Variants in DOCK6 observed in about 807,000 individuals in gnomAD.
DOCK6 encodes the protein dedicator of cytokinesis 6.
A neutral mutation model predicts 230.3 loss-of-function variants in DOCK6; 167 were observed. That is an observed-to-expected ratio of 0.73 (90% CI 0.64 to 0.82). The LOEUF is 0.82. Ranked by LOEUF, DOCK6 falls within the 40% of genes least tolerant of loss-of-function variation. The pLI, the probability that DOCK6 is intolerant of heterozygous loss-of-function variation, is 0.00. For missense variants in DOCK6, 2,598 were observed against 2,825.8 expected (o/e 0.92, Z 1.83); for synonymous variants, 1,148 against 1,185.0 (o/e 0.97, Z 0.64).
At position 11,252,234 on chromosome 19, in the gene DOCK6, C is replaced by A; in HGVS notation, c.392G>T (p.Ser131Ile). 2 of 1,584,674 alleles carry A rather than the reference C, an allele frequency of 1.3e-6. No homozygotes were observed. Among genetic ancestry groups the A allele is most frequent in the South Asian group, 2.3e-5 (2 of 86,992 alleles). ...TGTGGTGACGGGGCTGTATGCTGCA[C>A]TCAGGTACTGATACCTAGCAGGAAA... The part of the protein sequence containing the change: ...VIVHRRYQYL[S>I]AAYSPVTTDT... The change falls in exon 5 of 48, where the codon AGT becomes ATT. Residue 131 changes from serine to isoleucine, a missense_variant. By Grantham distance (142) the Ser-to-Ile change is moderately radical. Coordinates refer to ENST00000294618, the MANE Select transcript of DOCK6 (RefSeq NM_020812.4).
intron 22 of DOCK6, among the ~76,000 whole-genome samples, 152 bp downstream of exon 22, chr19:11,233,051 G>T (rs2079792792): frequency 6.6e-6 from 1 of 152,176 alleles, no homozygotes; most frequent in African/African-American, 2.4e-5. Flanking sequence ...CACAACCTGT[G>T]ACAGCCCAGC....
chr19:11,222,812 C>A lies in DOCK6; in HGVS notation c.3163G>T (p.Val1055Leu). ...TRILCSHEHY[V>L]TLNLPCCPLS... Reference sequence around the variant, plus strand: ...GGGCAGCAGGGGAGGTTGAGGGTCACGTAGTGCTCGTGGCTGCACAGGATG... The same window carrying A: ...GGGCAGCAGGGGAGGTTGAGGGTCAAGTAGTGCTCGTGGCTGCACAGGATG... Residue 1055 changes from valine to leucine, a missense_variant, in exon 26 of 48, where the codon GTG becomes TTG. Physicochemically the swap from Val to Leu is conservative, Grantham distance 32. Coordinates refer to ENST00000294618, the MANE Select transcript of DOCK6 (RefSeq NM_020812.4). The surrounding 1 kb of genome is among the most constrained non-coding windows in gnomAD (Gnocchi z 4.0). 6.3e-7 allele frequency: 1 copy of A among 1,592,482 alleles called. No individual in the cohort carries two copies. Among genetic ancestry groups the A allele is most frequent in the African/African-American group, 1.3e-5 (1 of 74,718 alleles).
At chr19:11,208,278 C>CTTTTTT (rs372026726) in intron 39 of DOCK6, 1 of 118,316 alleles carries the variant, frequency 8.5e-6, no homozygotes, top group Non-Finnish European at 1.7e-5. Context: ...ATTCTCCTTC[C>CTTTTTT]TTTTTTTTTT....
At chr19:11,209,978 C>T (rs2079344988) in intron 37 of DOCK6, among the ~76,000 whole-genome samples, 3 of 140,918 alleles carry the variant, frequency 2.1e-5, no homozygotes, top group Non-Finnish European at 4.6e-5. Flanking sequence ...CTCACCTGTC[C>T]ACCCTCTCAC....
intron 1 of DOCK6, among the ~76,000 whole-genome samples, chr19:11,254,338 C>T (rs1215034801): frequency 2.6e-5 from 4 of 152,204 alleles, no homozygotes. Flanking sequence ...TAAGTAACCC[C>T]AAGCAACCAA....
chr19:11,241,897 C>T, intron 14 of DOCK6, 148 bp downstream of exon 14: 3 of 1,265,626 alleles, frequency 2.4e-6, no homozygotes, highest in South Asian at 1.4e-5. Context: ...GACATGTACC[C>T]TTTCATGCCT....
In DOCK6 at chr19:11,227,394, G is replaced by A. The variant is rs779109947; in HGVS notation, c.2898C>T (p.Asp966=). The A allele has an allele frequency of 9.9e-6, 16 of 1,613,684 alleles. No homozygotes were observed. In the African/African-American group the frequency reaches 1.1e-4, roughly 11 times the overall value. ...CAGAGCCCACCAAGGCAGTGATGTC[G>A]TCCAGGAAGCGTCCGGGGAAGCGCA... is the stretch of plus-strand genomic sequence containing the variant. The part of the protein sequence containing the change: ...RKLRFPGRFL[D]DITALVGSVG... The change falls in exon 24 of 48, where the codon GAC becomes GAT. Residue 966 remains aspartate, a synonymous_variant. Transcript: ENST00000294618.
chr19:11,204,481 T>C, intron 39 of DOCK6, 150 bp from the exon 40 acceptor site: 1 of 1,074,688 alleles, frequency 9.3e-7, no homozygotes, highest in South Asian at 1.8e-5. Flanking sequence ...CTATCCCAGA[T>C]AGGGGTTGAG....
chr19:11,201,118 G>T lies in DOCK6; in HGVS notation c.5689-66C>A. The T allele has an allele frequency of 6.3e-7, 1 of 1,585,002 alleles. No individual in the cohort carries two copies. The highest frequency in any genetic ancestry group is 2.3e-5 in the East Asian group (1 of 43,922). ...AGGAGGTCCTGATCGAAGCCAGTCG[G>T]GGGCAGCTCAGACCCCGCTGGGAGT... On this transcript the variant is annotated intron_variant, in intron 44 of 47. Coordinates refer to ENST00000294618, the MANE Select transcript of DOCK6 (RefSeq NM_020812.4). The surrounding 1 kb of genome is among the most constrained non-coding windows in gnomAD (Gnocchi z 4.3).
rs1303106399 is a variant in DOCK6, at chr19:11,212,116, A to G, written c.4527T>C (p.Ser1509=). ...GCGTCGTCCCCACCAGGGACGAGAG[A>G]GACATGGTGACCTGCATCTTCACAC... is the stretch of plus-strand genomic sequence containing the variant. ...FARVKMQVTM[S]LSSLVGTTQN... Residue 1509 remains serine, a synonymous_variant, in exon 36 of 48, where the codon TCT becomes TCC. Coordinates refer to ENST00000294618, the MANE Select transcript of DOCK6 (RefSeq NM_020812.4). The G allele has an allele frequency of 7.4e-6, 12 of 1,611,738 alleles. No individual in the cohort carries two copies. The highest frequency in any genetic ancestry group is 1.1e-5 in the South Asian group (1 of 90,958).
At position 11,200,316 on chromosome 19, in the gene DOCK6, G is replaced by A. The variant is rs772281824; in HGVS notation, c.6093C>T (p.Pro2031=). 14 of 1,565,198 alleles carry A rather than the reference G, an allele frequency of 8.9e-6. No individual in the cohort carries two copies. Among genetic ancestry groups the A allele is most frequent in the South Asian group, 5.9e-5 (5 of 85,040 alleles). The change falls in exon 47 of 48, where the codon CCC becomes CCT. Residue 2031 remains proline, a synonymous_variant. Coordinates refer to ENST00000294618, the MANE Select transcript of DOCK6 (RefSeq NM_020812.4). This position sits in a 1 kb window ranked among gnomAD's most constrained non-coding sequence, Gnocchi z 4.3. ...GGCACTAGGTCAGGCACCTGAGGCCGGGTGGGGTGGGTGCCATCAGCTGGG... is the reference window on the plus strand; with the variant it reads ...GGCACTAGGTCAGGCACCTGAGGCCAGGTGGGGTGGGTGCCATCAGCTGGG... ...RLPQLMAPTP[P]GLRNSLNRAS... is the part of the protein sequence containing the mutation.
intron 28 of DOCK6, among the ~76,000 whole-genome samples, chr19:11,217,815 G>A (rs912762366): frequency 6.6e-6 from 1 of 151,074 alleles, no homozygotes; most frequent in African/African-American, 2.4e-5. Context: ...TGGGTTTCTG[G>A]TTGTCTGCTC....
At position 11,252,246 on chromosome 19, in the gene DOCK6, T is replaced by C. The variant is rs755436168; in HGVS notation, c.380A>G (p.Tyr127Cys). 1.2e-5 allele frequency: 19 copies of C among 1,583,012 alleles called. No homozygotes were observed. In the African/African-American group the frequency reaches 1.2e-4, roughly 10 times the overall value. Residue 127 changes from tyrosine to cysteine, a missense_variant and splice_region_variant, in exon 5 of 48, where the codon TAT (tyrosine) becomes TGT (cysteine). Physicochemically the swap from Tyr to Cys is radical, Grantham distance 194. Coordinates refer to ENST00000294618, the MANE Select transcript of DOCK6 (RefSeq NM_020812.4). ...GCTGTATGCTGCACTCAGGTACTGA[T>C]ACCTAGCAGGAAACGGGGCTGGGCA... Reference protein sequence around the residue: ...IEDWVIVHRRYQYLSAAYSPV... With the variant: ...IEDWVIVHRRCQYLSAAYSPV...
At chr19:11,230,273 A>G (rs1599245009) in intron 22 of DOCK6, among the ~76,000 whole-genome samples, 2 of 152,144 alleles carry the variant, frequency 1.3e-5, no homozygotes, top group Admixed American at 1.3e-4. Flanking sequence ...TGGGAGGCAG[A>G]GCCTGCAGTG....
chr19:11,201,946 G>A lies in DOCK6; in HGVS notation c.5631C>T (p.Ser1877=). ...TGATGTAGGGGAAGGCGTGGTCGGT[G>A]CTGAGCAGCGTCTTACGCTTGTGTT... ...PEQHKRKTLL[S]TDHAFPYIKT... is the part of the protein sequence containing the mutation. The change falls in exon 44 of 48, where the codon AGC becomes AGT. Residue 1877 remains serine (S), a synonymous_variant. Transcript: ENST00000294618. The surrounding 1 kb of genome is among the most constrained non-coding windows in gnomAD (Gnocchi z 4.3). 6.2e-7 allele frequency: 1 copy of A among 1,611,142 alleles called. No individual in the cohort carries two copies. Among genetic ancestry groups the A allele is most frequent in the Non-Finnish European group, 8.5e-7 (1 of 1,178,626 alleles).
At chr19:11,237,821 C>G (rs180675199) in intron 16 of DOCK6, 42 bp from the exon 17 acceptor site, 81 of 1,544,090 alleles carry the variant, frequency 5.2e-5, no homozygotes, top group Non-Finnish European at 6.9e-5. Context: ...GGCTGGGGTC[C>G]CCACTGTCTG....
intron 20 of DOCK6, chr19:11,235,983 CA>C: frequency 1.8e-6 from 1 of 541,714 alleles, no homozygotes; most frequent in Non-Finnish European, 3.1e-6. Context: ...CAGGTTCAAG[CA>C]ATTCTCCTGC....
chr19:11,240,646 C>T (rs2079929254), intron 14 of DOCK6, among the ~76,000 whole-genome samples: 1 of 147,540 alleles, frequency 6.8e-6, no homozygotes, highest in South Asian at 2.1e-4. Context: ...GTGGTGTGAT[C>T]TTGGCTCACT....
intron 14 of DOCK6, chr19:11,241,609 C>A (rs985471363): frequency 6.4e-7 from 1 of 1,559,686 alleles, no homozygotes; most frequent in Non-Finnish European, 8.7e-7. Flanking sequence ...GCGCACAGGG[C>A]AGCTGGAAAG....
Sources: gnomAD v4.1 joint callset for allele counts (sites outside exome capture counted in the v4.1 genomes callset) on GRCh38, gnomAD v4.1.1 for gene constraint, Gnocchi (gnomAD v3.1) non-coding constraint, MANE v1.5 for transcripts, NCBI Gene and HGNC (gene_info 2026-07-23, HGNC 2026-07-21) for gene names.